Variants in CBL observed in about 807,000 individuals in gnomAD.
The protein encoded by CBL is Cbl proto-oncogene, also known as E3 ubiquitin-protein ligase CBL.
In CBL, 45 loss-of-function variants were observed where a neutral mutation model predicts 96.9. The observed-to-expected ratio is 0.46, with a 90% CI of 0.37 to 0.60. The LOEUF is 0.60. CBL is among the 20% of genes least tolerant of loss of function. The pLI, the probability that CBL is intolerant of heterozygous loss-of-function variation, is 0.00. For synonymous variants in CBL, 420 were observed against 426.8 expected (o/e 0.98, Z 0.20); for missense variants, 1,024 against 1,143.5 (o/e 0.90, Z 1.51).
chr11:119,285,476 G>A lies in CBL; in HGVS notation c.1851G>A (p.Arg617=), dbSNP rs1355757042. The change falls in exon 11 of 16, where the codon CGG becomes CGA. Residue 617 remains arginine, a synonymous_variant. Transcript: ENST00000264033. ...DPWTGRELTN[R]HSLPFSLPSQ... ...GGACAGGAAGAGAATTAACCAACCGGCACTCACTTCCATTTTCATTGCCCT... is the reference window on the plus strand; with the variant it reads ...GGACAGGAAGAGAATTAACCAACCGACACTCACTTCCATTTTCATTGCCCT... 2.5e-6 allele frequency: 4 copies of A among 1,613,964 alleles called. No individual in the cohort carries two copies. Among genetic ancestry groups the A allele is most frequent in the Middle Eastern group, 1.6e-4 (1 of 6,084 alleles).
intron 1 of CBL, among the ~76,000 whole-genome samples, chr11:119,211,630 A>G (rs796817257): frequency 4.0e-5 from 6 of 151,750 alleles, no homozygotes; most frequent in African/African-American, 1.4e-4. Context: ...TAGCCTCCCA[A>G]GTAGCTGGGA....
chr11:119,288,062 C>A, intron 12 of CBL, 116 bp downstream of exon 12: 1 of 712,120 alleles, frequency 1.4e-6, no homozygotes, highest in Non-Finnish European at 2.5e-6. Flanking sequence ...ATCTCTGCAC[C>A]ATGTAGAAAT....
At chr11:119,225,853 G>A (rs1949454800) in intron 1 of CBL, among the ~76,000 whole-genome samples, 1 of 145,064 alleles carries the variant, frequency 6.9e-6, no homozygotes, top group Non-Finnish European at 1.5e-5. Flanking sequence ...TCAGCCTCCC[G>A]AGTAGCTAGG....
intron 1 of CBL, among the ~76,000 whole-genome samples, chr11:119,227,299 A>G (rs1045799156): frequency 6.6e-6 from 1 of 152,194 alleles, no homozygotes; most frequent in African/African-American, 2.4e-5. Context: ...TGGTAGGCTA[A>G]GTATATTAAA....
At chr11:119,231,926 T>C (rs1186874438) in intron 1 of CBL, among the ~76,000 whole-genome samples, 1 of 149,306 alleles carries the variant, frequency 6.7e-6, no homozygotes, top group Non-Finnish European at 1.5e-5. Flanking sequence ...CTGGGCAACA[T>C]GTCTCTAAAA....
At position 119,283,641 on chromosome 11, in the gene CBL, T is replaced by C. The variant is rs1217009209; in HGVS notation, c.1432-1328T>C. On this transcript the variant is annotated intron_variant, in intron 9 of 15. Transcript: ENST00000264033. ...TAATTCTTTCTTTTTTTTTTTTTTT[T>C]TTTTTTTTTTTTTTGAGATGGAGTC... Among the ~76,000 whole-genome samples, 145 of 118,844 alleles carry C rather than the reference T, an allele frequency of 1.2e-3. 1 individual carries two copies. The highest frequency in any genetic ancestry group is 4.1e-3 in the African/African-American group (132 of 32,288). The allele number at this position is 118,844 out of a possible 152,430, so 78.0% of individuals were successfully genotyped here. A position where few individuals can be genotyped will look rare whatever the true frequency, so the allele number is the denominator to read the frequency against.
intron 2 of CBL, among the ~76,000 whole-genome samples, chr11:119,267,786 G>A (rs917262386): frequency 2.6e-5 from 4 of 152,184 alleles, no homozygotes; most frequent in Admixed American, 6.5e-5. Context: ...AATTTTTGCC[G>A]TTCGCTTGGC....
rs572014227 is a variant in CBL at position 119,305,499 on chromosome 11, C to A, written c.*5718C>A. ...GGGCTTGTGGCCTGTCTCCTCCACTCTCCTCCTCACCCTCTCGCTCCTTCC... is the reference window on the plus strand; with the variant it reads ...GGGCTTGTGGCCTGTCTCCTCCACTATCCTCCTCACCCTCTCGCTCCTTCC... On this transcript the variant is annotated 3_prime_UTR_variant, in exon 16 of 16. Transcript: ENST00000264033. 349 of 231,032 alleles carry A rather than the reference C, an allele frequency of 1.5e-3. 2 individuals carry two copies. In the Middle Eastern group the frequency reaches 0.017, roughly 11 times the overall value. 14.3% of individuals were successfully genotyped at this position (231,032 alleles called of 1,614,324 possible). A position where few individuals can be genotyped will look rare whatever the true frequency, so the allele number is the denominator to read the frequency against.
rs573570241 is a variant in CBL, at chr11:119,246,227, C to A, written c.443+13532C>A. ...TGACCTCGTGATCCGCCTGCCTCGGCCTCCCAAAGTGCTGGGATTACAGGT... is the reference window on the plus strand; with the variant it reads ...TGACCTCGTGATCCGCCTGCCTCGGACTCCCAAAGTGCTGGGATTACAGGT... On this transcript the variant is annotated intron_variant, in intron 2 of 15. Coordinates refer to ENST00000264033, the MANE Select transcript of CBL (RefSeq NM_005188.4). 2.6e-5 allele frequency among the ~76,000 whole-genome samples: 4 copies of A among 152,094 alleles called. No individual in the cohort carries two copies. The South Asian group carries it at 6.2e-4, about 24-fold the overall frequency.
At position 119,243,827 on chromosome 11, in the gene CBL, C is replaced by T. The variant is rs535781501; in HGVS notation, c.443+11132C>T. Among the ~76,000 whole-genome samples, 5 of 152,072 alleles carry T rather than the reference C, an allele frequency of 3.3e-5. No homozygotes were observed. In the South Asian group the frequency reaches 1.0e-3, roughly 32 times the overall value. ...CATTGCAGCCTCAGCCTCCCAGGTT[C>T]GAGCAATTCTCTTGCCTTAGCCTCC... On this transcript the variant is annotated intron_variant, in intron 2 of 15. Coordinates refer to ENST00000264033, the MANE Select transcript of CBL (RefSeq NM_005188.4).
intron 3 of CBL, among the ~76,000 whole-genome samples, chr11:119,272,414 C>T (rs1253711027): frequency 6.6e-6 from 1 of 152,204 alleles, no homozygotes; most frequent in African/African-American, 2.4e-5. Context: ...GCCACCATGC[C>T]CAGCCCCATT....
intron 1 of CBL, among the ~76,000 whole-genome samples, chr11:119,220,901 A>G (rs1452183108): frequency 6.7e-6 from 1 of 150,268 alleles, no homozygotes; most frequent in African/African-American, 2.5e-5. Flanking sequence ...TCTAGTGATG[A>G]CACTTTTTTT....
intron 1 of CBL, among the ~76,000 whole-genome samples, chr11:119,224,084 A>G (rs1949435469): frequency 6.6e-6 from 1 of 152,194 alleles, no homozygotes; most frequent in Non-Finnish European, 1.5e-5. Context: ...AGATCTTGAG[A>G]AAACCAGACA....
chr11:119,266,212 T>C (rs1565869007), intron 2 of CBL, among the ~76,000 whole-genome samples: 1 of 152,094 alleles, frequency 6.6e-6, no homozygotes. Context: ...CTGTATTTGG[T>C]TTCCTGTTTC....
At chr11:119,224,555 C>G (rs1324975055) in intron 1 of CBL, among the ~76,000 whole-genome samples, 1 of 152,106 alleles carries the variant, frequency 6.6e-6, no homozygotes, top group East Asian at 1.9e-4. Context: ...TGTGTTCTTA[C>G]AATAAAGTAA....
intron 1 of CBL, among the ~76,000 whole-genome samples, chr11:119,212,636 AAATG>A (rs957052531): frequency 1.4e-4 from 21 of 152,102 alleles, no homozygotes; most frequent in Non-Finnish European, 2.4e-4. Flanking sequence ...CAAAATAAAT[AAATG>A]AATGAATGAA....
chr11:119,219,827 G>A (rs1949393666), intron 1 of CBL, among the ~76,000 whole-genome samples: 1 of 150,690 alleles, frequency 6.6e-6, no homozygotes, highest in African/African-American at 2.4e-5. Flanking sequence ...GGGATTATAG[G>A]TGGGCACCAC....
Position 119,306,865 on chromosome 11 carries a change from TG to T in CBL, c.*7086del, listed in dbSNP as rs1211813141. The stretch of plus-strand genomic sequence containing the variant: ...TGAGGCACCTCCTACGTCTGTTTTC[TG>T]GCTGTGGTGACTTGGGATTTTTAAC... On this transcript the variant is annotated 3_prime_UTR_variant, in exon 16 of 16. Transcript: ENST00000264033. 4.3e-6 allele frequency: 1 copy of T among 232,256 alleles called. No individual in the cohort carries two copies. Among genetic ancestry groups the T allele is most frequent in the Non-Finnish European group, 8.5e-6 (1 of 117,340 alleles). The allele number at this position is 232,256 out of a possible 1,614,324, so 14.4% of individuals were successfully genotyped here. A position where few individuals can be genotyped will look rare whatever the true frequency, so the allele number is the denominator to read the frequency against.
intron 2 of CBL, among the ~76,000 whole-genome samples, chr11:119,243,051 G>A (rs1166132572): frequency 6.6e-6 from 1 of 152,052 alleles, no homozygotes; most frequent in East Asian, 1.9e-4. Context: ...GCTGAGGCAG[G>A]CAGATTACCT....
Sources: allele counts gnomAD v4.1 joint callset (sites outside exome capture counted in the v4.1 genomes callset), GRCh38; gene constraint gnomAD v4.1.1; transcripts MANE v1.5; gene names NCBI Gene and HGNC (gene_info 2026-07-23, HGNC 2026-07-21).